Variants in GLIS3 observed in about 807,000 individuals in gnomAD.
GLIS3 encodes the protein GLIS family zinc finger 3.
In GLIS3, 53 loss-of-function variants were observed where a neutral mutation model predicts 78.6. The ratio of observed to expected loss-of-function variants is 0.67; its 90% CI spans 0.54 to 0.85. The LOEUF (loss-of-function observed/expected upper bound fraction) is 0.85, where lower values mean the gene tolerates loss of function less well. Among genes scored for constraint, GLIS3 ranks in the 40% least tolerant of loss-of-function variants. The pLI is 0.00. For synonymous variants in GLIS3, 684 were observed against 509.9 expected, an observed-to-expected ratio of 1.34 and a Z score of -4.60; for missense variants, 1,703 against 1,231.1, an observed-to-expected ratio of 1.38 and a Z score of -5.74.
intron 2 of GLIS3, among the ~76,000 whole-genome samples, chr9:4,236,206 A>AAAGAG (rs1822734386): frequency 7.1e-6 from 1 of 140,354 alleles, no homozygotes; most frequent in Non-Finnish European, 1.6e-5. Flanking sequence ...AAAAAAAAAA[A>AAAGAG]AGAAAGAAAG....
intron 4 of GLIS3, among the ~76,000 whole-genome samples, chr9:3,993,007 G>T (rs1563928438): frequency 6.6e-6 from 1 of 152,296 alleles, no homozygotes; most frequent in South Asian, 2.1e-4. Context: ...AAGGCCGGCT[G>T]CCAGGGTAAA....
chr9:4,333,020 T>G (rs937703378), intron 2 of GLIS3, among the ~76,000 whole-genome samples: 1 of 152,262 alleles, frequency 6.6e-6, no homozygotes, highest in Non-Finnish European at 1.5e-5. Context: ...AGCTGCTTTA[T>G]CTAAGTCATC....
chr9:3,831,111 T>C (rs983418978), intron 9 of GLIS3, among the ~76,000 whole-genome samples: 2 of 152,194 alleles, frequency 1.3e-5, no homozygotes, highest in Non-Finnish European at 2.9e-5. Flanking sequence ...ATATCCTTTA[T>C]AAGCAGACTA....
At chr9:4,196,917 G>A (rs1010950160) in intron 2 of GLIS3, among the ~76,000 whole-genome samples, 5 of 152,148 alleles carry the variant, frequency 3.3e-5, no homozygotes, top group Admixed American at 2.0e-4. Context: ...AGATCATGGT[G>A]CAGTAGGGCC....
At chr9:4,305,786 C>G (rs929122721) in intron 4 of GLIS3, 5 of 152,220 alleles carry the variant, frequency 3.3e-5, no homozygotes, top group African/African-American at 1.2e-4. Flanking sequence ...AACTGTCTCC[C>G]TCTCAGCCCA....
At chr9:4,339,462 C>G (rs768225813) in intron 2 of GLIS3, among the ~76,000 whole-genome samples, 7 of 151,994 alleles carry the variant, frequency 4.6e-5, no homozygotes, top group Non-Finnish European at 8.8e-5. Flanking sequence ...GACGTTCAAA[C>G]TGCCAATCTG....
At chr9:4,463,018 G>C in the GLIS3 span, among the ~76,000 whole-genome samples, 1 of 152,118 alleles carries the variant, frequency 6.6e-6, no homozygotes, top group Non-Finnish European at 1.5e-5. Context: ...CAATCTTCCT[G>C]GCATTTTTCT....
intron 4 of GLIS3, among the ~76,000 whole-genome samples, chr9:4,042,950 GAAA>G (rs5896041): frequency 8.8e-6 from 1 of 113,566 alleles, no homozygotes; most frequent in Non-Finnish European, 2.1e-5. Flanking sequence ...TGCTTGAAAA[GAAA>G]AAAAAAAAAA....
chr9:4,195,800 C>T (rs1017881566), intron 2 of GLIS3, among the ~76,000 whole-genome samples: 1 of 152,236 alleles, frequency 6.6e-6, no homozygotes, highest in Non-Finnish European at 1.5e-5. Flanking sequence ...GATGCACCAA[C>T]AGGCACTCTG....
chr9:4,182,275 C>G (rs1817398845), intron 2 of GLIS3, among the ~76,000 whole-genome samples: 1 of 152,146 alleles, frequency 6.6e-6, no homozygotes, highest in Non-Finnish European at 1.5e-5. Context: ...ATGTGAATCC[C>G]TTCAGATGGG....
At chr9:3,948,301 T>C (rs1289847145) in intron 4 of GLIS3, among the ~76,000 whole-genome samples, 4 of 152,226 alleles carry the variant, frequency 2.6e-5, no homozygotes, top group African/African-American at 9.6e-5. Context: ...TCTATCCCAT[T>C]TCTGAATGTC....
chr9:4,286,537 T>A lies in GLIS3; in HGVS notation c.-98-14A>T. On this transcript the variant is annotated splice_polypyrimidine_tract_variant and intron_variant, in intron 1 of 10. Transcript: ENST00000381971. ...TGGGTTATAAGCCTGTTTAAAAAAA[T>A]AAACGCAGGCATTTTTAAAAGCAAA... 1.6e-6 allele frequency: 2 copies of A among 1,286,696 alleles called. No individual in the cohort carries two copies. Among genetic ancestry groups the A allele is most frequent in the Admixed American group, 1.9e-5 (1 of 53,076 alleles). The allele number at this position is 1,286,696 out of a possible 1,614,324, so 79.7% of individuals were successfully genotyped here.
chr9:3,995,432 C>T (rs1245650180), intron 4 of GLIS3, among the ~76,000 whole-genome samples: 1 of 152,010 alleles, frequency 6.6e-6, no homozygotes, highest in Admixed American at 6.6e-5. Context: ...ATACTAAAAA[C>T]TACTACCGTG....
chr9:4,368,819 G>A, the GLIS3 span, among the ~76,000 whole-genome samples: 2 of 152,124 alleles, frequency 1.3e-5, no homozygotes, highest in African/African-American at 4.8e-5. Context: ...AAATTCTCTC[G>A]TTCTAATTCA....
At chr9:4,434,880 G>A in the GLIS3 span, among the ~76,000 whole-genome samples, 1 of 152,222 alleles carries the variant, frequency 6.6e-6, no homozygotes, top group Non-Finnish European at 1.5e-5. Flanking sequence ...TGAGCTGGGT[G>A]CTAGAGAGAG....
intron 7 of GLIS3, among the ~76,000 whole-genome samples, chr9:3,890,824 A>C (rs1360228783): frequency 6.6e-6 from 1 of 152,052 alleles, no homozygotes; most frequent in Non-Finnish European, 1.5e-5. Flanking sequence ...AGTAACCATC[A>C]AAACACAATT....
the GLIS3 span, among the ~76,000 whole-genome samples, chr9:4,435,556 T>C: frequency 6.6e-6 from 1 of 152,242 alleles, no homozygotes; most frequent in Admixed American, 6.5e-5. Context: ...TGTACCATCC[T>C]GGATCTGCCT....
intron 2 of GLIS3, among the ~76,000 whole-genome samples, chr9:4,324,080 T>C (rs988976124): frequency 6.6e-6 from 1 of 152,192 alleles, no homozygotes; most frequent in Non-Finnish European, 1.5e-5. Context: ...ATGGTGCTTG[T>C]CTCAATATGC....
intron 4 of GLIS3, among the ~76,000 whole-genome samples, chr9:4,042,007 G>A (rs1157643281): frequency 6.6e-6 from 1 of 152,200 alleles, no homozygotes; most frequent in Non-Finnish European, 1.5e-5. Flanking sequence ...TACGCAGTGA[G>A]CTGAAACTGT....
Sources: gnomAD v4.1 joint callset for allele counts (sites outside exome capture counted in the v4.1 genomes callset) on GRCh38, gnomAD v4.1.1 for gene constraint, MANE v1.5 for transcripts, NCBI Gene and HGNC (gene_info 2026-07-23, HGNC 2026-07-21) for gene names.